Variants in CCSER1 observed in about 807,000 individuals in gnomAD.
The protein encoded by CCSER1 is coiled-coil serine rich protein 1, also known as serine-rich coiled-coil domain-containing protein 1.
A neutral mutation model predicts 82.0 loss-of-function variants in CCSER1; 41 were observed. The ratio of observed to expected loss-of-function variants is 0.50; its 90% confidence interval spans 0.39 to 0.65. The LOEUF is 0.65. Among genes scored for constraint, CCSER1 ranks in the 30% least tolerant of loss-of-function variants. The pLI is 0.00. For missense variants in CCSER1, 1,119 were observed against 1,064.2 expected, an observed-to-expected ratio of 1.05 and a Z score of -0.72; for synonymous variants, 414 against 383.9, an observed-to-expected ratio of 1.08 and a Z score of -0.92.
chr4:90,812,953 T>G (rs948439331), intron 7 of CCSER1, among the ~76,000 whole-genome samples: 1 of 152,162 alleles, frequency 6.6e-6, no homozygotes, highest in Non-Finnish European at 1.5e-5. Flanking sequence ...GAGATTTGGG[T>G]GGGATCACAG....
chr4:91,366,587 G>C (rs1344096629), intron 10 of CCSER1, among the ~76,000 whole-genome samples: 2 of 152,112 alleles, frequency 1.3e-5, no homozygotes, highest in Non-Finnish European at 2.9e-5. Flanking sequence ...TTCTCTTTCA[G>C]TAGATTGTCC....
intron 1 of CCSER1, among the ~76,000 whole-genome samples, chr4:90,202,100 T>C (rs1737816464): frequency 6.6e-6 from 1 of 152,162 alleles, no homozygotes; most frequent in Non-Finnish European, 1.5e-5. Flanking sequence ...GAAAGTCTAA[T>C]TCTTTGGTTT....
At chr4:91,549,893 T>TGCCGCTTCA (rs1320350768) in intron 10 of CCSER1, among the ~76,000 whole-genome samples, 1 of 151,466 alleles carries the variant, frequency 6.6e-6, no homozygotes, top group Non-Finnish European at 1.5e-5. Flanking sequence ...TGAACTTCAC[T>TGCCGCTTCA]GCCGCTTCTC....
chr4:90,155,510 G>A (rs1727925113), intron 1 of CCSER1, among the ~76,000 whole-genome samples: 1 of 152,064 alleles, frequency 6.6e-6, no homozygotes, highest in Non-Finnish European at 1.5e-5. Context: ...ATCTGGTCCT[G>A]GACTCTTTTT....
At chr4:90,287,512 T>C (rs1400193768) in intron 1 of CCSER1, among the ~76,000 whole-genome samples, 1 of 151,862 alleles carries the variant, frequency 6.6e-6, no homozygotes, top group African/African-American at 2.4e-5. Context: ...CTGTTCTGCA[T>C]TATTTCCATG....
chr4:91,164,308 C>G (rs995151259), intron 10 of CCSER1, among the ~76,000 whole-genome samples: 21 of 152,278 alleles, frequency 1.4e-4, no homozygotes, highest in South Asian at 1.0e-3. Flanking sequence ...TACTGTTAGT[C>G]TGATGGGCTT....
At chr4:91,358,346 T>TA (rs1370721268) in intron 10 of CCSER1, among the ~76,000 whole-genome samples, 15 of 150,460 alleles carry the variant, frequency 1.0e-4, no homozygotes, top group African/African-American at 3.7e-4. Context: ...TTTTTTTTTT[T>TA]AACATAGTTC....
intron 6 of CCSER1, among the ~76,000 whole-genome samples, chr4:90,690,115 G>A (rs1254949625): frequency 6.6e-6 from 1 of 152,094 alleles, no homozygotes. Context: ...ATAGGAATAT[G>A]TTTGGGGCAC....
chr4:91,027,093 G>A (rs1740552002), intron 9 of CCSER1, among the ~76,000 whole-genome samples: 1 of 152,022 alleles, frequency 6.6e-6, no homozygotes, highest in Non-Finnish European at 1.5e-5. Context: ...AACTACCCAT[G>A]TAGAACTGGG....
chr4:91,411,704 AT>A (rs758924279), intron 10 of CCSER1, among the ~76,000 whole-genome samples: 5,580 of 135,974 alleles, frequency 0.041, 128 homozygotes, highest in Non-Finnish European at 0.06. Flanking sequence ...AAGGGTTTTC[AT>A]TTTTTTTTTT....
At chr4:90,781,497 T>A (rs1753775136) in intron 7 of CCSER1, 1 of 985,038 alleles carries the variant, frequency 1.0e-6, no homozygotes, top group Non-Finnish European at 1.2e-6. Context: ...GAGTGTGTAA[T>A]CTTCTCTTAT....
chr4:91,550,770 CTAATA>C (rs1321885579), intron 10 of CCSER1, among the ~76,000 whole-genome samples: 1 of 152,084 alleles, frequency 6.6e-6, no homozygotes. Flanking sequence ...GAATGAAATG[CTAATA>C]TATTATTGAT....
intron 10 of CCSER1, among the ~76,000 whole-genome samples, chr4:91,402,305 G>C (rs1025985508): frequency 6.6e-6 from 1 of 152,152 alleles, no homozygotes; most frequent in African/African-American, 2.4e-5. Flanking sequence ...CCTTTTGTCA[G>C]ATGGGTAGAT....
intron 4 of CCSER1, among the ~76,000 whole-genome samples, chr4:90,444,010 A>T (rs926135725): frequency 6.6e-6 from 1 of 152,048 alleles, no homozygotes; most frequent in African/African-American, 2.4e-5. Flanking sequence ...TGTAGGGTGT[A>T]GAATTTGTGA....
At chr4:90,593,728 A>G (rs1326935707) in intron 5 of CCSER1, among the ~76,000 whole-genome samples, 3 of 151,878 alleles carry the variant, frequency 2.0e-5, no homozygotes, top group Non-Finnish European at 4.4e-5. Flanking sequence ...GCCTTCCTTT[A>G]CACCCGAATT....
At chr4:90,923,342 G>A (rs1370133430) in intron 8 of CCSER1, 28 bp from the exon 9 acceptor site, 1 of 1,472,778 alleles carries the variant, frequency 6.8e-7, no homozygotes, top group South Asian at 1.2e-5. Flanking sequence ...CACCAACAAT[G>A]TGTTGTTGCT....
rs1392686899 is a variant in CCSER1 at position 91,011,235 on chromosome 4, G to C, written c.2173-74715G>C. On this transcript the variant is annotated intron_variant, in intron 9 of 10. Transcript: ENST00000509176. ...TCTGTGGCCTAGGTTGTAGCAGTTT[G>C]TGGTGGCAGTGGTAGCATAGGTTAT... Among the ~76,000 whole-genome samples, 3 of 134,366 alleles carry C rather than the reference G, an allele frequency of 2.2e-5. 1 individual carries two copies. The highest frequency in any genetic ancestry group is 7.4e-5 in the African/African-American group (3 of 40,296). The allele number at this position is 134,366 out of a possible 152,430, so 88.1% of individuals were successfully genotyped here. A position where few individuals can be genotyped will look rare whatever the true frequency, so the allele number is the denominator to read the frequency against.
intron 8 of CCSER1, among the ~76,000 whole-genome samples, chr4:90,868,563 TTG>T (rs1364324084): frequency 2.6e-5 from 4 of 152,042 alleles, no homozygotes; most frequent in African/African-American, 4.8e-5. Flanking sequence ...TTAGTACTCA[TTG>T]TGTGTGTGTA....
chr4:91,485,246 G>A (rs577377108), intron 10 of CCSER1, among the ~76,000 whole-genome samples: 1 of 152,132 alleles, frequency 6.6e-6, no homozygotes, highest in South Asian at 2.1e-4. Context: ...TCACAAATAT[G>A]TTATTACAGA....
Sources: allele counts gnomAD v4.1 joint callset (sites outside exome capture counted in the v4.1 genomes callset), GRCh38; gene constraint gnomAD v4.1.1; transcripts MANE v1.5; gene names NCBI Gene and HGNC (gene_info 2026-07-23, HGNC 2026-07-21).